SLC35F3: variants seen among roughly 807,000 people sequenced by gnomAD.
SLC35F3 encodes putative thiamine transporter SLC35F3.
In SLC35F3, 25 loss-of-function variants were observed where a neutral mutation model predicts 49.9. The ratio of observed to expected loss-of-function variants is 0.50; its 90% CI spans 0.37 to 0.70. The LOEUF (loss-of-function observed/expected upper bound fraction) is 0.70, where lower values mean the gene tolerates loss of function less well. Among genes scored for constraint, SLC35F3 ranks in the 30% least tolerant of loss-of-function variants. SLC35F3 has a pLI of 0.00. For synonymous variants in SLC35F3, 275 were observed against 265.4 expected, an observed-to-expected ratio of 1.04 and a Z score of -0.35; for missense variants, 525 against 639.8, an observed-to-expected ratio of 0.82 and a Z score of 1.94.
At chr1:233,936,932 T>C (rs1475785252) in intron 2 of SLC35F3, among the ~76,000 whole-genome samples, 1 of 152,196 alleles carries the variant, frequency 6.6e-6, no homozygotes. Flanking sequence ...ACTTAAGTGA[T>C]CTTCCTGCCT....
In SLC35F3 at chr1:233,955,488, A is replaced by G. The variant is rs1214905618; in HGVS notation, c.283+49730A>G. Among the ~76,000 whole-genome samples, 3 of 152,148 alleles carry G rather than the reference A, an allele frequency of 2.0e-5. 1 individual carries two copies. In the East Asian group the frequency reaches 5.8e-4, roughly 29 times the overall value. On this transcript the variant is annotated intron_variant, in intron 2 of 7. Transcript: ENST00000366618. The stretch of plus-strand genomic sequence containing the variant: ...CAACCTGCATATCTAATTGGTGGAC[A>G]CTTCGGTTGCTCCTATTTCTGTGAC...
intron 2 of SLC35F3, among the ~76,000 whole-genome samples, chr1:233,967,311 T>C (rs973431895): frequency 1.4e-4 from 22 of 152,118 alleles, no homozygotes; most frequent in Non-Finnish European, 2.4e-4. Flanking sequence ...GTAAGAGCTT[T>C]AAAAAAGAAA....
chr1:233,940,487 ACT>A (rs1246223652), intron 2 of SLC35F3, among the ~76,000 whole-genome samples: 9 of 152,060 alleles, frequency 5.9e-5, no homozygotes. Flanking sequence ...TCCCTGCCTA[ACT>A]CTGCGCAAAG....
At chr1:234,174,331 A>G (rs1193437336) in intron 2 of SLC35F3, among the ~76,000 whole-genome samples, 3 of 152,202 alleles carry the variant, frequency 2.0e-5, no homozygotes, top group Non-Finnish European at 4.4e-5. Flanking sequence ...CCAGCCTTCC[A>G]TCTGTTAGTT....
intron 2 of SLC35F3, among the ~76,000 whole-genome samples, chr1:233,916,217 G>A (rs557450595): frequency 5.9e-5 from 9 of 152,138 alleles, no homozygotes; most frequent in Admixed American, 1.3e-4. Context: ...ACTTTAAGTC[G>A]ACATTTTGTT....
In SLC35F3 at chr1:234,301,490, G is replaced by A. The variant is rs567405889; in HGVS notation, c.609-7611G>A. Among the ~76,000 whole-genome samples the A allele has an allele frequency of 1.4e-4, 21 of 152,278 alleles. No homozygotes were observed. The South Asian group carries it at 2.3e-3, about 17-fold the overall frequency. On this transcript the variant is annotated intron_variant, in intron 3 of 7. Coordinates refer to ENST00000366618, the MANE Select transcript of SLC35F3 (RefSeq NM_173508.4). ...GAAATGCAAATCAAAATCAGAATGCGATACCATCTCATGCCAGTCAGAATG... is the reference window on the plus strand; with the variant it reads ...GAAATGCAAATCAAAATCAGAATGCAATACCATCTCATGCCAGTCAGAATG...
At chr1:233,909,135 GCATGAGC>G (rs1247629827) in intron 2 of SLC35F3, among the ~76,000 whole-genome samples, 6 of 152,180 alleles carry the variant, frequency 3.9e-5, no homozygotes, top group Non-Finnish European at 8.8e-5. Flanking sequence ...GGGATTACAG[GCATGAGC>G]CACCGCACCC....
chr1:234,262,889 C>T (rs1051559734), intron 3 of SLC35F3, among the ~76,000 whole-genome samples: 1 of 152,198 alleles, frequency 6.6e-6, no homozygotes, highest in Non-Finnish European at 1.5e-5. Flanking sequence ...AGCTGAGTCT[C>T]TATTAGGCAA....
intron 2 of SLC35F3, among the ~76,000 whole-genome samples, chr1:234,003,097 G>A (rs1451192611): frequency 6.6e-6 from 1 of 152,194 alleles, no homozygotes; most frequent in Admixed American, 6.5e-5. Context: ...CCTAGAATCA[G>A]CCATTTCTCC....
At position 234,111,482 on chromosome 1, in the gene SLC35F3, G is replaced by A. The variant is rs190350398; in HGVS notation, c.284-119935G>A. On this transcript the variant is annotated intron_variant, in intron 2 of 7. Transcript: ENST00000366618. ...AATTTTCATATTTTCAGTAGAGACG[G>A]GGGTCTCACCATGCTGGCCAGGCTG... Among the ~76,000 whole-genome samples the A allele has an allele frequency of 6.6e-4, 101 of 152,322 alleles. 1 individual carries two copies. The East Asian group carries it at 0.018, about 27-fold the overall frequency.
chr1:234,101,599 C>T (rs1164796962), intron 2 of SLC35F3, among the ~76,000 whole-genome samples: 1 of 152,206 alleles, frequency 6.6e-6, no homozygotes, highest in Admixed American at 6.5e-5. Flanking sequence ...TCTTGGCTCA[C>T]AGTAAGTGCT....
intron 2 of SLC35F3, among the ~76,000 whole-genome samples, chr1:233,933,835 A>G (rs564453677): frequency 8.5e-5 from 13 of 152,296 alleles, no homozygotes; most frequent in African/African-American, 3.1e-4. Context: ...CTTGAATGAC[A>G]GAGTGAGACT....
chr1:234,256,949 G>A (rs1483077759), intron 3 of SLC35F3, among the ~76,000 whole-genome samples: 1 of 152,200 alleles, frequency 6.6e-6, no homozygotes, highest in South Asian at 2.1e-4. Context: ...CTGTTTATGA[G>A]AAAGCTCTCC....
At chr1:234,317,810 T>C (rs1023655211) in intron 5 of SLC35F3, among the ~76,000 whole-genome samples, 3 of 152,226 alleles carry the variant, frequency 2.0e-5, no homozygotes, top group African/African-American at 7.2e-5. Flanking sequence ...GCATATACTC[T>C]GCTAGACTCA....
chr1:233,988,295 G>T (rs1262606040), intron 2 of SLC35F3, among the ~76,000 whole-genome samples: 1 of 152,168 alleles, frequency 6.6e-6, no homozygotes, highest in Non-Finnish European at 1.5e-5. Context: ...TATGAAGCTG[G>T]TTGCTACTTT....
chr1:234,060,082 G>C (rs1213596696), intron 2 of SLC35F3, among the ~76,000 whole-genome samples: 1 of 152,180 alleles, frequency 6.6e-6, no homozygotes, highest in Non-Finnish European at 1.5e-5. Context: ...ATGAAATTAA[G>C]AATCAATAAC....
At chr1:234,003,824 G>A (rs957766632) in intron 2 of SLC35F3, among the ~76,000 whole-genome samples, 2 of 152,100 alleles carry the variant, frequency 1.3e-5, no homozygotes. Flanking sequence ...CACAAAAAAA[G>A]GAAAATCAGA....
intron 3 of SLC35F3, among the ~76,000 whole-genome samples, chr1:234,306,296 G>C (rs1160728822): frequency 6.6e-6 from 1 of 152,092 alleles, no homozygotes; most frequent in Non-Finnish European, 1.5e-5. Flanking sequence ...GAGTAGCTGG[G>C]ATTACCGGTG....
intron 2 of SLC35F3, among the ~76,000 whole-genome samples, chr1:234,068,471 G>A (rs768605332): frequency 6.6e-6 from 1 of 152,068 alleles, no homozygotes; most frequent in Non-Finnish European, 1.5e-5. Flanking sequence ...ACAAGAAGCA[G>A]CTCAGCCTCC....
Sources: allele counts gnomAD v4.1 joint callset (sites outside exome capture counted in the v4.1 genomes callset), GRCh38; gene constraint gnomAD v4.1.1; transcripts MANE v1.5; gene names NCBI Gene and HGNC (gene_info 2026-07-23, HGNC 2026-07-21).